ADGRL2: variants seen among roughly 807,000 people sequenced by gnomAD.
The protein encoded by ADGRL2 is adhesion G protein-coupled receptor L2, also known as calcium-independent alpha-latrotoxin receptor 2.
ADGRL2 carries 44 observed loss-of-function variants against 157.4 expected under a neutral mutation model. That is an observed-to-expected ratio of 0.28 (90% CI 0.22 to 0.36). The LOEUF is 0.36. Among genes scored for constraint, ADGRL2 ranks in the 10% least tolerant of loss-of-function variants. The probability of loss-of-function intolerance (pLI) is 1.00; values close to 1 mark genes in which losing one functional copy is unlikely to be tolerated. For synonymous variants in ADGRL2, 585 were observed against 624.7 expected, an observed-to-expected ratio of 0.94 and a Z score of 0.95; for missense variants, 1,510 against 1,768.9, an observed-to-expected ratio of 0.85 and a Z score of 2.63.
At chr1:81,342,300 C>G (rs1258456258) in intron 1 of ADGRL2, among the ~76,000 whole-genome samples, 1 of 152,140 alleles carries the variant, frequency 6.6e-6, no homozygotes, top group Non-Finnish European at 1.5e-5. Context: ...ATAGAAATTA[C>G]AACAAATACT....
At chr1:81,504,285 C>A (rs1171786170) in intron 2 of ADGRL2, among the ~76,000 whole-genome samples, 2 of 152,114 alleles carry the variant, frequency 1.3e-5, no homozygotes, top group African/African-American at 4.8e-5. Flanking sequence ...CTCTTCAGCC[C>A]TCCCCAGTCC....
chr1:81,733,142 C>T (rs956650646), intron 1 of ADGRL2, among the ~76,000 whole-genome samples: 5 of 152,192 alleles, frequency 3.3e-5, no homozygotes, highest in Admixed American at 6.5e-5. Context: ...AGTATCTGAG[C>T]TCCCTTGACA....
chr1:81,533,146 A>AG (rs1303097203), intron 2 of ADGRL2, among the ~76,000 whole-genome samples: 3 of 152,116 alleles, frequency 2.0e-5, no homozygotes, highest in Non-Finnish European at 4.4e-5. Context: ...TGGGAGGCCG[A>AG]GGGGGGTGGA....
At chr1:81,785,485 T>G (rs1163233761) in intron 2 of ADGRL2, among the ~76,000 whole-genome samples, 2 of 152,122 alleles carry the variant, frequency 1.3e-5, no homozygotes, top group African/African-American at 4.8e-5. Flanking sequence ...CCCAGCACTT[T>G]GCGAGGCTGA....
chr1:81,313,182 T>C (rs1659870078), intron 1 of ADGRL2, among the ~76,000 whole-genome samples: 1 of 152,178 alleles, frequency 6.6e-6, no homozygotes, highest in South Asian at 2.1e-4. Context: ...GTTTCATGAC[T>C]TCATTTTATT....
chr1:81,575,378 ATTG>A (rs2148514005), intron 2 of ADGRL2, among the ~76,000 whole-genome samples: 1 of 152,240 alleles, frequency 6.6e-6, no homozygotes, highest in African/African-American at 2.4e-5. Flanking sequence ...AGTTTTTACT[ATTG>A]TTTTGCCTTT....
chr1:81,393,702 GGTT>G (rs1030898192), intron 1 of ADGRL2, among the ~76,000 whole-genome samples: 4 of 152,080 alleles, frequency 2.6e-5, no homozygotes, highest in African/African-American at 9.6e-5. Context: ...TACTAAGAAA[GGTT>G]GTGCCAAATA....
chr1:81,402,868 A>G (rs1028194963), intron 1 of ADGRL2, among the ~76,000 whole-genome samples: 2 of 152,212 alleles, frequency 1.3e-5, no homozygotes, highest in African/African-American at 2.4e-5. Flanking sequence ...TTGTTGATTA[A>G]TAAGGCAAAC....
Position 81,782,192 on chromosome 1 carries a change from AT to A in ADGRL2, c.-101+20341del, listed in dbSNP as rs149302620. ...CTACCAGCCAAATGCCAGCCTTAAA[AT>A]AAAGTAACATTAAAATGTCCTCACA... On this transcript the variant is annotated intron_variant, in intron 2 of 20. Coordinates refer to the ADGRL2 transcript ENST00000359929. Among the ~76,000 whole-genome samples the A allele has an allele frequency of 8.0e-3, 1,221 of 152,356 alleles. 22 individuals carry two copies. Among genetic ancestry groups the A allele is most frequent in the African/African-American group, 0.028 (1,171 of 41,584 alleles).
intron 2 of ADGRL2, among the ~76,000 whole-genome samples, chr1:81,845,740 T>C (rs919979629): frequency 1.3e-5 from 2 of 151,762 alleles, no homozygotes; most frequent in Non-Finnish European, 2.9e-5. Context: ...TATAAAAACC[T>C]ATTTTTGCCT....
chr1:81,859,665 C>T (rs776734510), intron 2 of ADGRL2, among the ~76,000 whole-genome samples: 12 of 152,054 alleles, frequency 7.9e-5, no homozygotes, highest in Non-Finnish European at 1.3e-4. Context: ...ACCTTGGCCT[C>T]CCAAAGTGCT....
chr1:81,801,776 C>T (rs980234562), intron 1 of ADGRL2, among the ~76,000 whole-genome samples: 17 of 152,138 alleles, frequency 1.1e-4, no homozygotes, highest in African/African-American at 4.1e-4. Context: ...TGGCCTCGCG[C>T]CCCCGGCGCC....
chr1:81,851,272 G>A (rs1023558763), intron 2 of ADGRL2, among the ~76,000 whole-genome samples: 6 of 151,872 alleles, frequency 4.0e-5, no homozygotes, highest in African/African-American at 1.2e-4. Flanking sequence ...GTCAGCTAAC[G>A]TTGGCTTCTC....
intron 23 of ADGRL2, chr1:81,989,718 T>C: frequency 6.2e-7 from 1 of 1,609,906 alleles, no homozygotes. Flanking sequence ...AAGTGAGTCA[T>C]TCCACCTGCT....
intron 17 of ADGRL2, among the ~76,000 whole-genome samples, chr1:81,975,076 C>T (rs1187618423): frequency 6.6e-6 from 1 of 151,922 alleles, no homozygotes; most frequent in East Asian, 1.9e-4. Flanking sequence ...TACCTGTACA[C>T]ACACACCTGC....
chr1:81,713,404 A>G (rs1042412192), intron 1 of ADGRL2, among the ~76,000 whole-genome samples: 3 of 152,236 alleles, frequency 2.0e-5, no homozygotes, highest in African/African-American at 4.8e-5. Context: ...CACAGATGTG[A>G]CATCAGCATG....
chr1:81,766,220 T>C (rs2149326600), intron 2 of ADGRL2, among the ~76,000 whole-genome samples: 1 of 152,326 alleles, frequency 6.6e-6, no homozygotes, highest in African/African-American at 2.4e-5. Context: ...TTTAATGGTC[T>C]TGCTTTTAAA....
At chr1:81,533,252 G>A (rs1045854844) in intron 2 of ADGRL2, among the ~76,000 whole-genome samples, 1 of 151,992 alleles carries the variant, frequency 6.6e-6, no homozygotes, top group Non-Finnish European at 1.5e-5. Context: ...GGTGATGCAC[G>A]CCTGTAATCC....
chr1:81,579,571 A>G (rs2080864674), intron 2 of ADGRL2, among the ~76,000 whole-genome samples: 1 of 152,122 alleles, frequency 6.6e-6, no homozygotes, highest in African/African-American at 2.4e-5. Context: ...CTACCGACAC[A>G]TTTTGGTTTC....
Sources: allele counts gnomAD v4.1 joint callset (sites outside exome capture counted in the v4.1 genomes callset), GRCh38; gene constraint gnomAD v4.1.1; transcripts MANE v1.5; gene names NCBI Gene and HGNC (gene_info 2026-07-23, HGNC 2026-07-21).